LHFPL3: variants seen among roughly 807,000 people sequenced by gnomAD.
LHFPL3 encodes the protein LHFPL tetraspan subfamily member 3 protein.
In LHFPL3, 5 loss-of-function variants were observed where a neutral mutation model predicts 19.3. The observed-to-expected ratio is 0.26, with a 90% CI of 0.14 to 0.54. LHFPL3 has a LOEUF of 0.54. LHFPL3 is among the 20% of genes least tolerant of loss of function. The pLI is 0.94. For missense variants in LHFPL3, 249 were observed against 307.4 expected, an observed-to-expected ratio of 0.81 and a Z score of 1.42; for synonymous variants, 133 against 126.2, an observed-to-expected ratio of 1.05 and a Z score of -0.36.
intron 1 of LHFPL3, among the ~76,000 whole-genome samples, chr7:104,563,909 A>G (rs1790068739): frequency 6.6e-6 from 1 of 152,266 alleles, no homozygotes. Context: ...TTGCCATTAA[A>G]TAATAGCTTA....
chr7:104,554,248 A>G (rs1327207984), intron 1 of LHFPL3, among the ~76,000 whole-genome samples: 1 of 152,038 alleles, frequency 6.6e-6, no homozygotes, highest in Non-Finnish European at 1.5e-5. Context: ...TTAATTCAAC[A>G]TTCTTGTCTT....
At chr7:104,838,369 A>G (rs1791137727) in intron 2 of LHFPL3, among the ~76,000 whole-genome samples, 1 of 152,186 alleles carries the variant, frequency 6.6e-6, no homozygotes, top group South Asian at 2.1e-4. Context: ...CATTGAGAAG[A>G]GCTACCACTG....
intron 1 of LHFPL3, among the ~76,000 whole-genome samples, chr7:104,672,460 C>T (rs569531593): frequency 1.2e-4 from 19 of 152,106 alleles, no homozygotes; most frequent in African/African-American, 3.6e-4. Context: ...GGAATGAATG[C>T]GTAAGTGAGT....
chr7:104,549,961 G>A (rs1794637559), intron 1 of LHFPL3, among the ~76,000 whole-genome samples: 1 of 152,140 alleles, frequency 6.6e-6, no homozygotes, highest in East Asian at 1.9e-4. Context: ...GAGCCAATAG[G>A]ATGTGTGTAC....
chr7:104,388,623 A>G (rs1217896766), intron 1 of LHFPL3, among the ~76,000 whole-genome samples: 1 of 152,182 alleles, frequency 6.6e-6, no homozygotes, highest in Non-Finnish European at 1.5e-5. Context: ...TTAAATATAG[A>G]CACAAAATCC....
At chr7:104,390,450 T>G (rs60346172) in intron 1 of LHFPL3, among the ~76,000 whole-genome samples, 6,876 of 152,028 alleles carry the variant, frequency 0.045, 519 homozygotes, top group African/African-American at 0.16. Flanking sequence ...TGGTTTTCTG[T>G]CCTTGTGATA....
intron 1 of LHFPL3, among the ~76,000 whole-genome samples, chr7:104,605,735 C>A (rs1414700963): frequency 6.6e-6 from 1 of 151,976 alleles, no homozygotes; most frequent in Non-Finnish European, 1.5e-5. Context: ...AGATAACTTT[C>A]AAAAACATTC....
chr7:104,745,465 TA>T (rs1794023632), intron 2 of LHFPL3, among the ~76,000 whole-genome samples: 1 of 152,244 alleles, frequency 6.6e-6, no homozygotes, highest in Non-Finnish European at 1.5e-5. Flanking sequence ...AAAGCATTCC[TA>T]ATTAATATAG....
chr7:104,609,683 C>A (rs1389215387), intron 1 of LHFPL3, among the ~76,000 whole-genome samples: 1 of 152,202 alleles, frequency 6.6e-6, no homozygotes, highest in Non-Finnish European at 1.5e-5. Context: ...TTTGCCATCA[C>A]TTCCTAAATT....
At chr7:104,493,893 C>T (rs1793407343) in intron 1 of LHFPL3, among the ~76,000 whole-genome samples, 1 of 152,132 alleles carries the variant, frequency 6.6e-6, no homozygotes, top group Admixed American at 6.5e-5. Context: ...TGAAATATAA[C>T]TAGTCCCACT....
intron 1 of LHFPL3, among the ~76,000 whole-genome samples, chr7:104,379,421 T>C (rs1172444587): frequency 6.6e-6 from 1 of 152,232 alleles, no homozygotes. Context: ...TTGTGTTTTC[T>C]TGAACATGAA....
rs151069322 is a variant in LHFPL3, at chr7:104,757,329, T to C, written c.682+20418T>C. 2.0e-5 allele frequency among the ~76,000 whole-genome samples: 3 copies of C among 152,194 alleles called. No individual in the cohort carries two copies. The East Asian group carries it at 5.8e-4, about 29-fold the overall frequency. ...TTTATAACTAAGTCCTCAAAAGCAATTGCAACAAAAAACAAAAACTGACAA... is the reference window on the plus strand; with the variant it reads ...TTTATAACTAAGTCCTCAAAAGCAACTGCAACAAAAAACAAAAACTGACAA... On this transcript the variant is annotated intron_variant, in intron 2 of 2. Coordinates refer to ENST00000424859, the MANE Select transcript of LHFPL3 (RefSeq NM_199000.3).
At chr7:104,665,066 T>C (rs190630894) in intron 1 of LHFPL3, among the ~76,000 whole-genome samples, 21 of 152,352 alleles carry the variant, frequency 1.4e-4, no homozygotes, top group Non-Finnish European at 2.6e-4. Flanking sequence ...GGGAATAAAT[T>C]TTAGCACTTA....
intron 2 of LHFPL3, among the ~76,000 whole-genome samples, chr7:104,828,493 C>T (rs1352152999): frequency 6.6e-6 from 1 of 151,986 alleles, no homozygotes; most frequent in Non-Finnish European, 1.5e-5. Flanking sequence ...GACCCAGATG[C>T]CCAAATATCA....
At chr7:104,552,074 G>C (rs1026774367) in intron 1 of LHFPL3, among the ~76,000 whole-genome samples, 1 of 152,108 alleles carries the variant, frequency 6.6e-6, no homozygotes, top group Non-Finnish European at 1.5e-5. Context: ...ACATGCCTTG[G>C]GCAAGTTACT....
At chr7:104,593,915 C>T (rs1310700816) in intron 1 of LHFPL3, among the ~76,000 whole-genome samples, 1 of 152,086 alleles carries the variant, frequency 6.6e-6, no homozygotes, top group Non-Finnish European at 1.5e-5. Context: ...TCCTCCATCC[C>T]TTTATTTTGA....
At chr7:104,884,562 C>CT (rs34249148) in intron 2 of LHFPL3, among the ~76,000 whole-genome samples, 48,850 of 152,010 alleles carry the variant, frequency 0.32, 8,747 homozygotes, top group Middle Eastern at 0.47. Flanking sequence ...TTAGTAAGAT[C>CT]TTTTTTTAAT....
At chr7:104,556,603 TGGGGA>T (rs1789839846) in intron 1 of LHFPL3, among the ~76,000 whole-genome samples, 1 of 152,204 alleles carries the variant, frequency 6.6e-6, no homozygotes. Context: ...ACTTCTGTGA[TGGGGA>T]GGTGCTGCTG....
chr7:104,767,390 C>G, intron 2 of LHFPL3, among the ~76,000 whole-genome samples: 1 of 152,190 alleles, frequency 6.6e-6, no homozygotes, highest in Non-Finnish European at 1.5e-5. Context: ...GAGAGAATAT[C>G]TGAAAATTCA....
Sources: allele counts gnomAD v4.1 joint callset (sites outside exome capture counted in the v4.1 genomes callset), GRCh38; gene constraint gnomAD v4.1.1; transcripts MANE v1.5; gene names NCBI Gene and HGNC (gene_info 2026-07-23, HGNC 2026-07-21).